Variants in CSMD1 observed in about 807,000 individuals in gnomAD.
CSMD1 encodes the protein CUB and Sushi multiple domains 1, also known as CUB and sushi domain-containing protein 1.
A neutral mutation model predicts 417.5 loss-of-function variants in CSMD1; 213 were observed. The observed-to-expected ratio is 0.51, with a 90% CI of 0.46 to 0.57. The LOEUF (loss-of-function observed/expected upper bound fraction) is 0.57. Among genes scored for constraint, CSMD1 ranks in the 20% least tolerant of loss-of-function variants. CSMD1 has a pLI of 0.00. For synonymous variants in CSMD1, 2,862 were observed against 1,736.8 expected, an observed-to-expected ratio of 1.65 and a Z score of -16.11; for missense variants, 6,923 against 4,529.7, an observed-to-expected ratio of 1.53 and a Z score of -15.17.
chr8:3,139,168 G>C (rs1267431129), intron 41 of CSMD1, among the ~76,000 whole-genome samples: 1 of 152,162 alleles, frequency 6.6e-6, no homozygotes, highest in Non-Finnish European at 1.5e-5. Context: ...AACAAACATT[G>C]TGTCCTGGCG....
At chr8:4,090,965 C>A (rs1453963417) in intron 3 of CSMD1, among the ~76,000 whole-genome samples, 1 of 150,852 alleles carries the variant, frequency 6.6e-6, no homozygotes, top group Non-Finnish European at 1.5e-5. Context: ...GTCACCCAGG[C>A]TGGAGTGCAG....
intron 5 of CSMD1, among the ~76,000 whole-genome samples, chr8:3,938,368 T>G (rs1194526903): frequency 6.6e-6 from 1 of 152,198 alleles, no homozygotes; most frequent in African/African-American, 2.4e-5. Flanking sequence ...GAGTCAAAAC[T>G]GAATATGCTG....
chr8:4,453,635 G>C (rs1325721907), intron 2 of CSMD1, among the ~76,000 whole-genome samples: 1 of 151,872 alleles, frequency 6.6e-6, no homozygotes, highest in Admixed American at 6.6e-5. Context: ...GTATAGAACT[G>C]GCATGTGTAT....
intron 1 of CSMD1, among the ~76,000 whole-genome samples, chr8:4,682,436 C>T (rs1294904382): frequency 3.3e-5 from 5 of 151,680 alleles, no homozygotes; most frequent in African/African-American, 4.8e-5. Context: ...CGATGATTTG[C>T]TATGAATTTT....
chr8:3,797,752 C>G (rs1208770857), intron 5 of CSMD1, among the ~76,000 whole-genome samples: 2 of 151,828 alleles, frequency 1.3e-5, no homozygotes, highest in Admixed American at 6.6e-5. Context: ...TTTGTGGACA[C>G]GTATTTTCAT....
At chr8:3,709,153 A>ATTTTT (rs10646728) in intron 6 of CSMD1, among the ~76,000 whole-genome samples, 117 of 146,238 alleles carry the variant, frequency 8.0e-4, no homozygotes, top group African/African-American at 2.3e-3. Flanking sequence ...AAGAAGTTTC[A>ATTTTT]TTTTTTTTTT....
intron 68 of CSMD1, among the ~76,000 whole-genome samples, chr8:2,946,119 C>G (rs1229530305): frequency 6.6e-6 from 1 of 152,176 alleles, no homozygotes; most frequent in Non-Finnish European, 1.5e-5. Context: ...TGCACTATGA[C>G]ATTATGGCAG....
intron 3 of CSMD1, among the ~76,000 whole-genome samples, chr8:4,292,843 T>C (rs1032724085): frequency 2.0e-5 from 3 of 152,124 alleles, no homozygotes; most frequent in Non-Finnish European, 4.4e-5. Flanking sequence ...TCCCTAAGAA[T>C]AGAGATGGAA....
At chr8:3,411,837 C>CGTATATATACGTGTATAT (rs1812752167) in intron 12 of CSMD1, among the ~76,000 whole-genome samples, 1 of 80,060 alleles carries the variant, frequency 1.2e-5, no homozygotes, top group Non-Finnish European at 2.7e-5. Context: ...TATATATGCA[C>CGTATATATACGTGTATAT]GTATATATGC....
chr8:3,403,962 T>C (rs1197865045), intron 15 of CSMD1, among the ~76,000 whole-genome samples: 1 of 152,212 alleles, frequency 6.6e-6, no homozygotes, highest in African/African-American at 2.4e-5. Flanking sequence ...CCCTTCTATT[T>C]ATCAATATTT....
chr8:2,978,959 C>T lies in CSMD1; in HGVS notation c.8378-159G>A, dbSNP rs144194449. Among the ~76,000 whole-genome samples the T allele has an allele frequency of 1.2e-4, 19 of 152,304 alleles. No individual in the cohort carries two copies. The South Asian group carries it at 2.1e-3, about 17-fold the overall frequency. ...AATTCCACTCTCACGATGAATTCTC[C>T]GCTTTGGACCACTCTTTTTCAAGAG... On this transcript the variant is annotated intron_variant, in intron 54 of 69. Coordinates refer to ENST00000635120, the MANE Select transcript of CSMD1 (RefSeq NM_033225.6).
At chr8:3,860,513 C>G (rs1804626913) in intron 5 of CSMD1, among the ~76,000 whole-genome samples, 2 of 151,954 alleles carry the variant, frequency 1.3e-5, no homozygotes, top group South Asian at 2.1e-4. Context: ...TGCAAGGTAC[C>G]TTGTACATAA....
chr8:3,088,264 C>T (rs1049655958), intron 48 of CSMD1, among the ~76,000 whole-genome samples: 4 of 152,182 alleles, frequency 2.6e-5, no homozygotes, highest in Non-Finnish European at 5.9e-5. Flanking sequence ...CTGCACAAGG[C>T]TAGGTCACTA....
At chr8:3,884,410 T>A (rs1197991645) in intron 5 of CSMD1, among the ~76,000 whole-genome samples, 1 of 151,854 alleles carries the variant, frequency 6.6e-6, no homozygotes, top group Admixed American at 6.6e-5. Context: ...CTAGCACAAA[T>A]CTTGTTACAA....
intron 5 of CSMD1, among the ~76,000 whole-genome samples, chr8:3,830,606 G>A (rs112589154): frequency 1.9e-4 from 29 of 152,170 alleles, no homozygotes; most frequent in African/African-American, 7.0e-4. Context: ...AGCAACACTG[G>A]CAGAAAAATA....
At chr8:4,621,412 T>G (rs1801770904) in intron 2 of CSMD1, among the ~76,000 whole-genome samples, 1 of 152,106 alleles carries the variant, frequency 6.6e-6, no homozygotes, top group Non-Finnish European at 1.5e-5. Context: ...TTAGAGATGC[T>G]CAACCTGCAT....
At chr8:4,348,032 A>T (rs1015898916) in intron 3 of CSMD1, among the ~76,000 whole-genome samples, 2 of 152,186 alleles carry the variant, frequency 1.3e-5, no homozygotes, top group East Asian at 1.9e-4. Context: ...GAGGAAAAAA[A>T]CAGATTAGTT....
chr8:3,709,295 G>A (rs545023560), intron 6 of CSMD1, among the ~76,000 whole-genome samples: 1 of 152,058 alleles, frequency 6.6e-6, no homozygotes, highest in Non-Finnish European at 1.5e-5. Context: ...GTCCCCATAT[G>A]AGACTGGACC....
intron 37 of CSMD1, 97 bp from the exon 38 acceptor site, chr8:3,162,374 A>G: frequency 1.3e-6 from 1 of 782,800 alleles, no homozygotes; most frequent in Non-Finnish European, 2.1e-6. Flanking sequence ...CTCCTTCTGT[A>G]GAAATGAACA....
Sources: allele counts gnomAD v4.1 joint callset (sites outside exome capture counted in the v4.1 genomes callset), GRCh38; gene constraint gnomAD v4.1.1; transcripts MANE v1.5; gene names NCBI Gene and HGNC (gene_info 2026-07-23, HGNC 2026-07-21).